The following HAT1 variants were observed in gnomAD, a reference collection of about 807,000 sequenced individuals.
HAT1 encodes histone acetyltransferase type B catalytic subunit.
Under a neutral mutation model 56.6 loss-of-function variants are expected in HAT1, and 20 were observed. The observed-to-expected ratio is 0.35, with a 90% CI of 0.25 to 0.51. The LOEUF (loss-of-function observed/expected upper bound fraction) is 0.51, where lower values mean the gene tolerates loss of function less well. HAT1 is among the 20% of genes least tolerant of loss of function. HAT1 has a pLI of 0.95. For synonymous variants in HAT1, 146 were observed against 165.5 expected (o/e 0.88, Z 0.91); for missense variants, 408 against 504.3 (o/e 0.81, Z 1.83).
chr2:171,927,354 T>C (rs958588975), intron 2 of HAT1, among the ~76,000 whole-genome samples: 4 of 152,216 alleles, frequency 2.6e-5, no homozygotes, highest in African/African-American at 9.6e-5. Context: ...GAGTTAAATA[T>C]CAGTAAAGTG....
At chr2:171,937,297 C>A (rs1686894506) in intron 2 of HAT1, among the ~76,000 whole-genome samples, 1 of 152,130 alleles carries the variant, frequency 6.6e-6, no homozygotes, top group South Asian at 2.1e-4. Flanking sequence ...ATGCATCTTG[C>A]CTCTCCAAAA....
intron 7 of HAT1, 49 bp from the exon 8 acceptor site, chr2:171,966,794 A>G (rs1296041922): frequency 1.1e-6 from 1 of 874,776 alleles, no homozygotes; most frequent in African/African-American, 1.7e-5. Context: ...CAGGTTTTAA[A>G]CTGGTCATGT....
At chr2:171,977,005 C>T (rs894122200) in intron 9 of HAT1, among the ~76,000 whole-genome samples, 1 of 151,028 alleles carries the variant, frequency 6.6e-6, no homozygotes, top group African/African-American at 2.4e-5. Context: ...GAAACCCCAC[C>T]TCTACTAAAA....
intron 2 of HAT1, among the ~76,000 whole-genome samples, chr2:171,928,019 T>A (rs923340387): frequency 1.3e-5 from 2 of 152,198 alleles, no homozygotes; most frequent in Non-Finnish European, 2.9e-5. Flanking sequence ...CCCAAGTAGC[T>A]GGGATTACAG....
At chr2:171,959,397 TTTAG>T (rs1687523318) in intron 4 of HAT1, among the ~76,000 whole-genome samples, 1 of 152,240 alleles carries the variant, frequency 6.6e-6, no homozygotes, top group Non-Finnish European at 1.5e-5. Context: ...GAACTATTGA[TTTAG>T]TTATAGATAA....
At chr2:171,935,242 C>T (rs866329018) in intron 2 of HAT1, among the ~76,000 whole-genome samples, 12 of 151,334 alleles carry the variant, frequency 7.9e-5, no homozygotes, top group South Asian at 2.1e-4. Flanking sequence ...TGGCCAAGCA[C>T]GGTGGCTCAT....
intron 4 of HAT1, among the ~76,000 whole-genome samples, chr2:171,961,179 C>G (rs1281243973): frequency 6.6e-6 from 1 of 152,000 alleles, no homozygotes; most frequent in Non-Finnish European, 1.5e-5. Context: ...ATGGCATGCT[C>G]CTGTAGTCCC....
intron 4 of HAT1, among the ~76,000 whole-genome samples, chr2:171,961,984 C>A (rs916408999): frequency 1.3e-5 from 2 of 151,690 alleles, no homozygotes; most frequent in African/African-American, 4.8e-5. Context: ...ATGTTACCAC[C>A]TACTTAACGT....
At chr2:171,962,769 A>G (rs144019555) in intron 4 of HAT1, among the ~76,000 whole-genome samples, 2 of 152,198 alleles carry the variant, frequency 1.3e-5, no homozygotes, top group African/African-American at 4.8e-5. Flanking sequence ...TACCCTTTCT[A>G]TATTTCTGTA....
chr2:171,944,015 T>C lies in HAT1; in HGVS notation c.113-2693T>C, dbSNP rs374745267. On this transcript the variant is annotated intron_variant, in intron 2 of 10. Transcript: ENST00000264108. ...TAAAAAATTAGTTGTTCATGGTGAT[T>C]TGCGCTTGTAGTCTCAGCTACTTTA... Among the ~76,000 whole-genome samples, 10 of 152,000 alleles carry C rather than the reference T, an allele frequency of 6.6e-5. No individual in the cohort carries two copies. In the East Asian group the frequency reaches 1.2e-3, roughly 18 times the overall value.
intron 10 of HAT1, chr2:171,980,252 T>G (rs1412779113): frequency 6.6e-6 from 1 of 152,154 alleles, no homozygotes; most frequent in East Asian, 1.9e-4. Context: ...GTTTCTTGTC[T>G]TCTCAGTTGT....
chr2:171,922,660 C>G (rs1420181772), intron 1 of HAT1, 153 bp downstream of exon 1: 3 of 546,514 alleles, frequency 5.5e-6, no homozygotes, highest in East Asian at 3.3e-5. Context: ...AACTCTCAGC[C>G]CAGCAGCTCC....
chr2:171,981,548 T>G (rs767196224), intron 10 of HAT1, among the ~76,000 whole-genome samples: 32 of 152,228 alleles, frequency 2.1e-4, no homozygotes, highest in Non-Finnish European at 4.3e-4. Context: ...TCATAGCATC[T>G]TTTTACTTTG....
intron 2 of HAT1, among the ~76,000 whole-genome samples, chr2:171,931,132 C>G (rs1366371990): frequency 6.6e-6 from 1 of 152,090 alleles, no homozygotes; most frequent in African/African-American, 2.4e-5. Flanking sequence ...TGGCTCACAT[C>G]TGTAATCTAG....
intron 4 of HAT1, among the ~76,000 whole-genome samples, chr2:171,962,682 C>T (rs1302014212): frequency 6.6e-6 from 1 of 152,192 alleles, no homozygotes; most frequent in Non-Finnish European, 1.5e-5. Context: ...GTGTGAGCCA[C>T]CATGCCCAGC....
chr2:171,966,743 TCA>T (rs1687692032), intron 7 of HAT1, 98 bp from the exon 8 acceptor site: 1 of 659,890 alleles, frequency 1.5e-6, no homozygotes, highest in Non-Finnish European at 2.7e-6. Context: ...GAAAAAAAGA[TCA>T]CACAAACTTT....
chr2:171,962,060 T>C (rs1687589071), intron 4 of HAT1, among the ~76,000 whole-genome samples: 1 of 152,096 alleles, frequency 6.6e-6, no homozygotes, highest in Non-Finnish European at 1.5e-5. Flanking sequence ...TAAGATAAGA[T>C]GTTAGAGAGG....
intron 4 of HAT1, chr2:171,965,076 C>T: frequency 2.8e-6 from 1 of 363,254 alleles, no homozygotes; most frequent in Non-Finnish European, 5.0e-6. Context: ...ATGGAAATGT[C>T]CATAGCATTG....
At chr2:171,978,059 C>CA (rs549607506) in intron 9 of HAT1, among the ~76,000 whole-genome samples, 1 of 137,120 alleles carries the variant, frequency 7.3e-6, no homozygotes, top group African/African-American at 2.7e-5. Context: ...TTTCCTTTTC[C>CA]TTTTTTTTTT....
Sources: gnomAD v4.1 joint callset for allele counts (sites outside exome capture counted in the v4.1 genomes callset) on GRCh38, gnomAD v4.1.1 for gene constraint, MANE v1.5 for transcripts, NCBI Gene and HGNC (gene_info 2026-07-23, HGNC 2026-07-21) for gene names.